Variants in STIMATE observed in about 807,000 individuals in gnomAD.
The protein encoded by STIMATE is store-operated calcium entry regulator STIMATE.
STIMATE carries 15 observed loss-of-function variants against 36.7 expected under a neutral mutation model. The ratio of observed to expected loss-of-function variants is 0.41; its 90% CI spans 0.27 to 0.63. The LOEUF is 0.63. STIMATE is among the 20% of genes least tolerant of loss of function. STIMATE has a pLI of 0.32. For synonymous variants in STIMATE, 163 were observed against 162.3 expected, an observed-to-expected ratio of 1.00 and a Z score of -0.03; for missense variants, 305 against 397.3, an observed-to-expected ratio of 0.77 and a Z score of 1.98.
intron 1 of STIMATE, among the ~76,000 whole-genome samples, chr3:52,871,197 A>G (rs2336664): frequency 0.38 from 57,203 of 152,020 alleles, 11,076 homozygotes; most frequent in Admixed American, 0.5. Context: ...AAAGGGTGAC[A>G]GAAAAGCTAT....
At chr3:52,866,494 G>A (rs1701315333) in intron 1 of STIMATE, among the ~76,000 whole-genome samples, 1 of 152,252 alleles carries the variant, frequency 6.6e-6, no homozygotes, top group South Asian at 2.1e-4. Flanking sequence ...ATACCAGGGT[G>A]TGGTGGTGCT....
intron 1 of STIMATE, among the ~76,000 whole-genome samples, chr3:52,864,989 TAGGCTGG>T (rs1701278680): frequency 6.6e-6 from 1 of 151,564 alleles, no homozygotes; most frequent in Non-Finnish European, 1.5e-5. Flanking sequence ...CTCTGTCACC[TAGGCTGG>T]AGTGTAGTGG....
chr3:52,843,599 G>T, intron 6 of STIMATE, 122 bp downstream of exon 6: 3 of 1,433,966 alleles, frequency 2.1e-6, no homozygotes, highest in Non-Finnish European at 9.6e-7. Context: ...GGGAGAGGTG[G>T]CAAATGGTCA....
chr3:52,853,874 C>G (rs1701049865), intron 2 of STIMATE, among the ~76,000 whole-genome samples: 1 of 152,194 alleles, frequency 6.6e-6, no homozygotes, highest in South Asian at 2.1e-4. Context: ...AAGCCCAAGG[C>G]AGCCTAAAAC....
At chr3:52,878,846 T>C (rs1282359676) in intron 1 of STIMATE, among the ~76,000 whole-genome samples, 8 of 152,146 alleles carry the variant, frequency 5.3e-5, no homozygotes, top group Non-Finnish European at 8.8e-5. Context: ...TAAGAGCCGA[T>C]AGGACACTGC....
At chr3:52,878,715 C>A (rs1419626770) in intron 1 of STIMATE, among the ~76,000 whole-genome samples, 2 of 152,206 alleles carry the variant, frequency 1.3e-5, no homozygotes, top group Non-Finnish European at 2.9e-5. Flanking sequence ...CAAGGGCACA[C>A]ACCTACAACC....
At chr3:52,853,768 C>CA in intron 2 of STIMATE, among the ~76,000 whole-genome samples, 1 of 152,218 alleles carries the variant, frequency 6.6e-6, no homozygotes, top group South Asian at 2.1e-4. Flanking sequence ...TCGCCAGCAA[C>CA]ACGTTTAAGA....
intron 1 of STIMATE, among the ~76,000 whole-genome samples, chr3:52,882,172 C>A (rs565943558): frequency 1.3e-5 from 2 of 152,262 alleles, no homozygotes; most frequent in South Asian, 4.1e-4. Flanking sequence ...TAGCTCCTCA[C>A]CACGTGGGTC....
In STIMATE at chr3:52,849,727, T is replaced by C. The variant is rs542409766; in HGVS notation, c.427+65A>G. On this transcript the variant is annotated intron_variant, in intron 4 of 7. Transcript: ENST00000355083. The stretch of plus-strand genomic sequence containing the variant: ...GGATCTGTTTGCCTGGTGGGCCGCA[T>C]GGGGCAAGGAGCAGAGACCTCCAGC... 7.7e-6 allele frequency: 12 copies of C among 1,549,472 alleles called. No homozygotes were observed. In the South Asian group the frequency reaches 1.1e-4, roughly 14 times the overall value.
chr3:52,854,918 G>A (rs894169680), intron 2 of STIMATE, among the ~76,000 whole-genome samples: 5 of 152,148 alleles, frequency 3.3e-5, no homozygotes, highest in African/African-American at 9.7e-5. Flanking sequence ...TCATATATTT[G>A]GTGTCAGAAG....
At chr3:52,842,116 C>T (rs532522261) in intron 7 of STIMATE, among the ~76,000 whole-genome samples, 1 of 152,358 alleles carries the variant, frequency 6.6e-6, no homozygotes, top group East Asian at 1.9e-4. Flanking sequence ...ACCTCACCCA[C>T]GTGTCTGACA....
chr3:52,868,215 C>A (rs1701343786), intron 1 of STIMATE, among the ~76,000 whole-genome samples: 1 of 152,240 alleles, frequency 6.6e-6, no homozygotes, highest in African/African-American at 2.4e-5. Flanking sequence ...AGGTAGCCTG[C>A]TGGCTGCTTC....
rs752406201 is a variant in STIMATE at position 52,842,814 on chromosome 3, A to T, written c.765T>A (p.Ser255=). 1 of 1,614,228 alleles carries T rather than the reference A, an allele frequency of 6.2e-7. No individual in the cohort carries two copies. The highest frequency in any genetic ancestry group is 1.7e-5 in the Admixed American group (1 of 60,034). The change falls in exon 7 of 8, where the codon TCT becomes TCA. Residue 255 remains serine, a synonymous_variant. Coordinates refer to ENST00000355083, the MANE Select transcript of STIMATE (RefSeq NM_198563.5). The part of the protein sequence containing the change: ...RRAASHEESE[S]EILISADDEM... ...TGGAGAGTCAGGGAGGCCCTACCTC[A>T]GACTCAGACTCCTCGTGGGATGCGG...
At chr3:52,856,529 T>A (rs961939977) in intron 1 of STIMATE, among the ~76,000 whole-genome samples, 3 of 151,876 alleles carry the variant, frequency 2.0e-5, no homozygotes, top group Non-Finnish European at 2.9e-5. Context: ...AAATATTTTT[T>A]AAAAAGTAGC....
At chr3:52,895,975 T>G in intron 1 of STIMATE, 1 of 1,288,464 alleles carries the variant, frequency 7.8e-7, no homozygotes, top group Non-Finnish European at 1.0e-6. Flanking sequence ...CAAGTGGGTA[T>G]TTGTTTAGCA....
intron 1 of STIMATE, among the ~76,000 whole-genome samples, chr3:52,892,316 G>C (rs1701796371): frequency 6.6e-6 from 1 of 152,148 alleles, no homozygotes; most frequent in Non-Finnish European, 1.5e-5. Flanking sequence ...CGAAATTAAT[G>C]AAGTTACATG....
At chr3:52,879,962 T>A (rs1701574864) in intron 1 of STIMATE, among the ~76,000 whole-genome samples, 1 of 152,182 alleles carries the variant, frequency 6.6e-6, no homozygotes, top group Admixed American at 6.5e-5. Context: ...GCTTGCTGGG[T>A]GATGTTTCTG....
chr3:52,881,894 G>A (rs1465206999), intron 1 of STIMATE, among the ~76,000 whole-genome samples: 2 of 152,212 alleles, frequency 1.3e-5, no homozygotes, highest in Non-Finnish European at 2.9e-5. Flanking sequence ...TCCTAAGCAG[G>A]CTATGGACTC....
At chr3:52,867,068 T>C (rs892864439) in intron 1 of STIMATE, among the ~76,000 whole-genome samples, 1 of 152,154 alleles carries the variant, frequency 6.6e-6, no homozygotes, top group African/African-American at 2.4e-5. Context: ...GCATCCCTCT[T>C]ACCAGATGGC....
Sources: allele counts gnomAD v4.1 joint callset (sites outside exome capture counted in the v4.1 genomes callset), GRCh38; gene constraint gnomAD v4.1.1; transcripts MANE v1.5; gene names NCBI Gene and HGNC (gene_info 2026-07-23, HGNC 2026-07-21).